The following NNT variants were observed in gnomAD, a reference collection of about 807,000 sequenced individuals.
The protein encoded by NNT is nicotinamide nucleotide transhydrogenase.
Under a neutral mutation model 104.8 loss-of-function variants are expected in NNT, and 50 were observed. The observed-to-expected ratio is 0.48, with a 90% CI of 0.38 to 0.60. The LOEUF is 0.60. Ranked by LOEUF, NNT falls within the 20% of genes least tolerant of loss-of-function variation. The pLI is 0.00. For synonymous variants in NNT, 461 were observed against 490.4 expected (o/e 0.94, Z 0.79); for missense variants, 1,131 against 1,330.7 (o/e 0.85, Z 2.33).
At chr5:43,645,727 T>A (rs1277087103) in intron 10 of NNT, 3 of 128,264 alleles carry the variant, frequency 2.3e-5, no homozygotes, top group Admixed American at 8.1e-5. Context: ...TTTTTTTTTT[T>A]TTTTTGAGAC....
chr5:43,643,110 A>T (rs1479855710), intron 7 of NNT, among the ~76,000 whole-genome samples: 2 of 151,786 alleles, frequency 1.3e-5, no homozygotes, highest in Non-Finnish European at 1.5e-5. Context: ...ATTTTTGTAG[A>T]GATGGGGTCT....
intron 19 of NNT, among the ~76,000 whole-genome samples, chr5:43,680,309 C>G (rs1232251817): frequency 6.6e-6 from 1 of 151,750 alleles, no homozygotes; most frequent in Non-Finnish European, 1.5e-5. Context: ...TCTGTTTGAA[C>G]AAGAGATGGC....
At chr5:43,675,093 G>C (rs1256285713) in intron 17 of NNT, among the ~76,000 whole-genome samples, 3 of 152,212 alleles carry the variant, frequency 2.0e-5, no homozygotes, top group Middle Eastern at 3.4e-3. Flanking sequence ...TTACTGTTTT[G>C]ATTCTTACCA....
At chr5:43,640,508 C>T (rs902225486) in intron 7 of NNT, among the ~76,000 whole-genome samples, 2 of 152,024 alleles carry the variant, frequency 1.3e-5, no homozygotes, top group African/African-American at 4.8e-5. Flanking sequence ...CACTTCTTGA[C>T]TTAAAGGAGA....
At chr5:43,641,459 G>T (rs914475795) in intron 7 of NNT, among the ~76,000 whole-genome samples, 1 of 151,908 alleles carries the variant, frequency 6.6e-6, no homozygotes, top group Non-Finnish European at 1.5e-5. Context: ...TGGAGATAAG[G>T]AAAAGCACAG....
chr5:43,642,586 C>T (rs2111810707), intron 7 of NNT, among the ~76,000 whole-genome samples: 1 of 152,254 alleles, frequency 6.6e-6, no homozygotes, highest in Admixed American at 6.5e-5. Context: ...GATCTTATAA[C>T]AAATCATGTG....
intron 2 of NNT, among the ~76,000 whole-genome samples, chr5:43,611,248 A>G (rs1056861484): frequency 1.3e-5 from 2 of 152,126 alleles, no homozygotes; most frequent in Non-Finnish European, 2.9e-5. Flanking sequence ...GAAGAATTTC[A>G]TTGTTGCTCT....
chr5:43,653,013 A>G lies in NNT; in HGVS notation c.1864-5A>G, dbSNP rs371672998. Reference sequence around the variant, plus strand: ...TAATCTCTCTCTCACTTTTCCTTTGAAAAGATCATGTACCTAGGCTCGGGT... The same window carrying G: ...TAATCTCTCTCTCACTTTTCCTTTGGAAAGATCATGTACCTAGGCTCGGGT... On this transcript the variant is annotated splice_polypyrimidine_tract_variant and splice_region_variant and intron_variant, in intron 13 of 21. Coordinates refer to ENST00000344920, the MANE Select transcript of NNT (RefSeq NM_182977.3). 2 of 1,599,436 alleles carry G rather than the reference A, an allele frequency of 1.3e-6. No homozygotes were observed. The highest frequency in any genetic ancestry group is 3.4e-5 in the Admixed American group (2 of 58,342).
rs1424937871 is a variant in NNT at position 43,689,813 on chromosome 5, A to G, written c.2877-10306A>G. Reference sequence around the variant, plus strand: ...ATCTTTTGTGAAATAGAAAGTATAAATAAAAAGCAATCACAACCTCTGGAA... The same window carrying G: ...ATCTTTTGTGAAATAGAAAGTATAAGTAAAAAGCAATCACAACCTCTGGAA... On this transcript the variant is annotated intron_variant, in intron 19 of 21. Transcript: ENST00000344920. Among the ~76,000 whole-genome samples the G allele has an allele frequency of 2.0e-5, 3 of 152,234 alleles. No homozygotes were observed. In the East Asian group the frequency reaches 5.8e-4, roughly 29 times the overall value.
chr5:43,703,643 AACATCC>A (rs1184888175), intron 21 of NNT, among the ~76,000 whole-genome samples: 2 of 152,198 alleles, frequency 1.3e-5, no homozygotes, highest in African/African-American at 4.8e-5. Context: ...GCAGGACAGC[AACATCC>A]ATAACACATG....
chr5:43,613,721 G>A (rs1330165997), intron 3 of NNT: 3 of 152,252 alleles, frequency 2.0e-5, no homozygotes, highest in Non-Finnish European at 2.9e-5. Flanking sequence ...ATCCTTTAGA[G>A]AAAGGGGGAG....
chr5:43,679,182 A>G (rs1741575223), intron 19 of NNT, among the ~76,000 whole-genome samples: 1 of 152,224 alleles, frequency 6.6e-6, no homozygotes, highest in Non-Finnish European at 1.5e-5. Context: ...TGCTGCTGAG[A>G]ACATTTGTAG....
intron 7 of NNT, among the ~76,000 whole-genome samples, chr5:43,643,802 G>A (rs1038889227): frequency 1.3e-5 from 2 of 152,162 alleles, no homozygotes; most frequent in Non-Finnish European, 1.5e-5. Context: ...TGACCTTTAC[G>A]AATTGTTCAA....
At chr5:43,611,820 T>A (rs1749512592) in intron 2 of NNT, among the ~76,000 whole-genome samples, 1 of 152,164 alleles carries the variant, frequency 6.6e-6, no homozygotes, top group Admixed American at 6.5e-5. Flanking sequence ...CATTAAAAAA[T>A]GTTTATGCTG....
chr5:43,646,875 T>A (rs1283590568), intron 10 of NNT, among the ~76,000 whole-genome samples: 1 of 152,230 alleles, frequency 6.6e-6, no homozygotes, highest in Non-Finnish European at 1.5e-5. Context: ...ATTCTTTTTT[T>A]AAAATTCATC....
rs1228762258 is a variant in NNT, at chr5:43,705,511, G to A, written c.*1107G>A. 6.6e-6 allele frequency: 1 copy of A among 151,400 alleles called. No homozygotes were observed. Among genetic ancestry groups the A allele is most frequent in the East Asian group, 1.9e-4 (1 of 5,160 alleles). 9.4% of individuals were successfully genotyped at this position (151,400 alleles called of 1,614,324 possible). ...TTATAGAAGTGTAGATTTTCTTTGT[G>A]ACTTTGCTATCGTGCCTAAAGCTCT... On this transcript the variant is annotated 3_prime_UTR_variant, in exon 22 of 22. Transcript: ENST00000344920.
At chr5:43,696,665 C>A (rs1742574221) in intron 19 of NNT, among the ~76,000 whole-genome samples, 1 of 152,214 alleles carries the variant, frequency 6.6e-6, no homozygotes, top group Non-Finnish European at 1.5e-5. Flanking sequence ...GCCTGGGCAT[C>A]CAGGTGTTTC....
chr5:43,682,817 T>C (rs77606731), intron 19 of NNT, among the ~76,000 whole-genome samples: 2 of 152,334 alleles, frequency 1.3e-5, no homozygotes, highest in East Asian at 3.9e-4. Context: ...TACTACTCTT[T>C]CCTAAGCTAC....
intron 1 of NNT, among the ~76,000 whole-genome samples, chr5:43,606,952 C>A (rs1187167046): frequency 6.6e-6 from 1 of 151,952 alleles, no homozygotes; most frequent in Non-Finnish European, 1.5e-5. Flanking sequence ...GATGTTTCTT[C>A]AAGGAGTTGT....
Sources: allele counts gnomAD v4.1 joint callset (sites outside exome capture counted in the v4.1 genomes callset), GRCh38; gene constraint gnomAD v4.1.1; transcripts MANE v1.5; gene names NCBI Gene and HGNC (gene_info 2026-07-23, HGNC 2026-07-21).